BNC2: variants seen among roughly 807,000 people sequenced by gnomAD.
BNC2 encodes zinc finger protein basonuclin-2.
In BNC2, 20 loss-of-function variants were observed where a neutral mutation model predicts 76.3. The observed-to-expected ratio is 0.26, with a 90% CI of 0.18 to 0.38. The LOEUF is 0.38. Ranked by LOEUF, BNC2 falls within the 10% of genes least tolerant of loss-of-function variation. The pLI is 1.00. For missense variants in BNC2, 1,382 were observed against 1,399.8 expected (o/e 0.99, Z 0.20); for synonymous variants, 582 against 514.8 (o/e 1.13, Z -1.77).
intron 1 of BNC2, among the ~76,000 whole-genome samples, chr9:16,809,128 C>T (rs1817982973): frequency 6.6e-6 from 1 of 152,128 alleles, no homozygotes; most frequent in African/African-American, 2.4e-5. Flanking sequence ...TCGGCTGAGG[C>T]TTAAATGGCC....
chr9:16,552,638 C>T lies in BNC2; in HGVS notation c.561G>A (p.Lys187=). Residue 187 remains lysine (K), a synonymous_variant, in exon 5 of 7, where the codon AAG becomes AAA. Transcript: ENST00000380672. ...YGTQAVPVRL[K]ILLDRLFSVL... ...CGCTGAAGAGACGGTCCAGCAGGATCTTTAGCCGCACAGGCACTGCTTGTG... is the reference window on the plus strand; with the variant it reads ...CGCTGAAGAGACGGTCCAGCAGGATTTTTAGCCGCACAGGCACTGCTTGTG... 1 of 1,614,212 alleles carries T rather than the reference C, an allele frequency of 6.2e-7. No homozygotes were observed. The highest frequency in any genetic ancestry group is 8.5e-7 in the Non-Finnish European group (1 of 1,180,046).
chr9:16,521,219 T>C (rs1245167613), intron 5 of BNC2, among the ~76,000 whole-genome samples: 3 of 152,140 alleles, frequency 2.0e-5, no homozygotes, highest in African/African-American at 7.2e-5. Flanking sequence ...CCAGGAAAGG[T>C]CTGCCAGAGG....
chr9:16,664,543 C>T (rs1276408435), intron 3 of BNC2, among the ~76,000 whole-genome samples: 2 of 152,120 alleles, frequency 1.3e-5, no homozygotes, highest in African/African-American at 4.8e-5. Flanking sequence ...TTGTAGGAAG[C>T]AACTACAACT....
At chr9:16,712,732 T>C (rs1490859626) in intron 3 of BNC2, among the ~76,000 whole-genome samples, 1 of 152,162 alleles carries the variant, frequency 6.6e-6, no homozygotes. Context: ...TTTTATCAGG[T>C]GTTTAAAAGA....
intron 5 of BNC2, among the ~76,000 whole-genome samples, chr9:16,456,530 CAAAAAAAAAAA>C (rs35557788): frequency 9.3e-6 from 1 of 107,236 alleles, no homozygotes; most frequent in Non-Finnish European, 2.1e-5. Flanking sequence ...GACTCCGTCT[CAAAAAAAAAAA>C]AAAAAAAAAT....
chr9:16,661,561 T>C (rs1405210576), intron 3 of BNC2, among the ~76,000 whole-genome samples: 1 of 152,180 alleles, frequency 6.6e-6, no homozygotes, highest in East Asian at 1.9e-4. Context: ...CAGTTTCCTC[T>C]CTGCACTCAG....
intron 1 of BNC2, among the ~76,000 whole-genome samples, chr9:16,809,476 T>TA (rs1159298123): frequency 6.6e-6 from 1 of 152,150 alleles, no homozygotes; most frequent in East Asian, 1.9e-4. Flanking sequence ...GTCACAGACT[T>TA]ATGCAAATAA....
Position 16,435,921 on chromosome 9 carries a change from C to T in BNC2, c.2273G>A (p.Arg758Lys), listed in dbSNP as rs775161242. 4.3e-6 allele frequency: 7 copies of T among 1,613,846 alleles called. No homozygotes were observed. Among genetic ancestry groups the T allele is most frequent in the East Asian group, 2.2e-5 (1 of 44,842 alleles). The change falls in exon 6 of 7, where the codon AGG becomes AAG. Residue 758 changes from arginine (R) to lysine (K), a missense_variant. Transcript: ENST00000380672. ...VSEKVLMNSE[R>K]PDENHSEPSH... ...GGGCTCACTGTGGTTCTCATCAGGC[C>T]TCTCACTATTCATCAGGACTTTTTC... is the stretch of plus-strand genomic sequence containing the variant.
chr9:16,559,496 C>T (rs766339059), intron 4 of BNC2, among the ~76,000 whole-genome samples: 1 of 152,306 alleles, frequency 6.6e-6, no homozygotes, highest in African/African-American at 2.4e-5. Context: ...GGTTAGGTAA[C>T]TGGCCTAAGG....
chr9:16,516,877 C>G (rs200774140), intron 5 of BNC2, among the ~76,000 whole-genome samples: 2 of 152,194 alleles, frequency 1.3e-5, no homozygotes, highest in East Asian at 3.9e-4. Context: ...ATGAGGTAAA[C>G]GTTAATTAGA....
At chr9:16,841,553 G>C (rs1818826822) in intron 1 of BNC2, among the ~76,000 whole-genome samples, 1 of 151,914 alleles carries the variant, frequency 6.6e-6, no homozygotes, top group Admixed American at 6.5e-5. Context: ...CAGGGCATAA[G>C]GTCTGTGTGG....
chr9:16,828,899 G>C (rs1290091557), intron 1 of BNC2, among the ~76,000 whole-genome samples: 1 of 148,386 alleles, frequency 6.7e-6, no homozygotes, highest in Middle Eastern at 3.2e-3. Flanking sequence ...CAGGAAAAAA[G>C]TAAACACATC....
chr9:16,662,739 A>G (rs1822145964), intron 3 of BNC2, among the ~76,000 whole-genome samples: 1 of 139,546 alleles, frequency 7.2e-6, no homozygotes, highest in East Asian at 1.9e-4. Context: ...GTCTCAAAAA[A>G]TAAAATAAAA....
intron 5 of BNC2, among the ~76,000 whole-genome samples, chr9:16,514,871 T>C (rs551457784): frequency 1.3e-5 from 2 of 152,326 alleles, no homozygotes; most frequent in East Asian, 3.9e-4. Context: ...TCATTGCTAA[T>C]GGCAATCACT....
chr9:16,691,501 G>GTTTTTTTTT (rs1823162064), intron 3 of BNC2, among the ~76,000 whole-genome samples: 3 of 95,296 alleles, frequency 3.1e-5, no homozygotes, highest in Admixed American at 1.4e-4. Flanking sequence ...ATGGGTATGG[G>GTTTTTTTTT]TTCTTTTTTT....
chr9:16,544,124 C>A (rs772686501), intron 5 of BNC2, among the ~76,000 whole-genome samples: 1 of 152,060 alleles, frequency 6.6e-6, no homozygotes, highest in Non-Finnish European at 1.5e-5. Flanking sequence ...TCTGGGTGAT[C>A]TGAATATTTT....
At chr9:16,451,588 T>C (rs2131069624) in intron 5 of BNC2, among the ~76,000 whole-genome samples, 1 of 152,272 alleles carries the variant, frequency 6.6e-6, no homozygotes, top group Middle Eastern at 3.4e-3. Context: ...TTGCCATAAA[T>C]GATCCTGAAC....
intron 3 of BNC2, among the ~76,000 whole-genome samples, chr9:16,696,161 A>G (rs1157503823): frequency 6.6e-6 from 1 of 152,106 alleles, no homozygotes; most frequent in Non-Finnish European, 1.5e-5. Flanking sequence ...CTTGCCAACT[A>G]GTGCTATACA....
intron 5 of BNC2, among the ~76,000 whole-genome samples, chr9:16,480,524 G>A (rs1396869678): frequency 2.0e-5 from 3 of 152,320 alleles, no homozygotes; most frequent in African/African-American, 7.2e-5. Flanking sequence ...GGCGGGAGCA[G>A]GAACCGGGGC....
Sources: allele counts gnomAD v4.1 joint callset (sites outside exome capture counted in the v4.1 genomes callset), GRCh38; gene constraint gnomAD v4.1.1; transcripts MANE v1.5; gene names NCBI Gene and HGNC (gene_info 2026-07-23, HGNC 2026-07-21).